The following WWOX variants were observed in gnomAD, a reference collection of about 807,000 sequenced individuals.
WWOX encodes the protein WW domain-containing oxidoreductase.
A neutral mutation model predicts 46.2 loss-of-function variants in WWOX; 69 were observed. The observed-to-expected ratio is 1.49, with a 90% confidence interval of 1.23 to 1.82. The LOEUF is 1.82. WWOX is among the 40% of genes most tolerant of loss of function. The pLI, the probability that WWOX is intolerant of heterozygous loss-of-function variation, is 0.00. For missense variants in WWOX, 919 were observed against 542.6 expected, an observed-to-expected ratio of 1.69 and a Z score of -6.89; for synonymous variants, 359 against 202.6, an observed-to-expected ratio of 1.77 and a Z score of -6.56.
chr16:78,492,742 G>A (rs1597160405), intron 8 of WWOX, among the ~76,000 whole-genome samples: 3 of 152,184 alleles, frequency 2.0e-5, no homozygotes, highest in Non-Finnish European at 4.4e-5. Context: ...GGAGTAATTG[G>A]TTCTGAGAGA....
chr16:78,415,424 TG>T (rs1270113772), intron 6 of WWOX, among the ~76,000 whole-genome samples: 1 of 152,156 alleles, frequency 6.6e-6, no homozygotes, highest in Non-Finnish European at 1.5e-5. Context: ...ACCTGTATCT[TG>T]TGCTGACCTC....
intron 8 of WWOX, among the ~76,000 whole-genome samples, chr16:79,191,066 G>C (rs1043080666): frequency 2.0e-5 from 3 of 152,092 alleles, no homozygotes; most frequent in East Asian, 1.9e-4. Flanking sequence ...GTTTTTAAGA[G>C]ACGGGGTCTC....
chr16:78,206,145 A>T (rs371757652), intron 5 of WWOX, among the ~76,000 whole-genome samples: 2 of 151,982 alleles, frequency 1.3e-5, no homozygotes, highest in East Asian at 3.9e-4. Flanking sequence ...TTTTTATACT[A>T]TGTTCTATTG....
At chr16:78,685,607 A>G (rs1458242479) in intron 8 of WWOX, among the ~76,000 whole-genome samples, 2 of 152,252 alleles carry the variant, frequency 1.3e-5, no homozygotes, top group Non-Finnish European at 2.9e-5. Context: ...TGTTCTGTGT[A>G]TATTTCACAT....
intron 8 of WWOX, among the ~76,000 whole-genome samples, chr16:78,847,685 G>C (rs1396005672): frequency 6.6e-6 from 1 of 151,378 alleles, no homozygotes; most frequent in Non-Finnish European, 1.5e-5. Context: ...TTAACTCTCA[G>C]TTTCTTCTTC....
intron 8 of WWOX, among the ~76,000 whole-genome samples, chr16:78,995,991 T>G (rs2046980840): frequency 6.6e-6 from 1 of 152,028 alleles, no homozygotes; most frequent in South Asian, 2.1e-4. Flanking sequence ...CAGCTTGGAG[T>G]TAAAGGGTGG....
intron 8 of WWOX, among the ~76,000 whole-genome samples, chr16:78,788,434 C>T (rs2050510497): frequency 6.6e-6 from 1 of 152,176 alleles, no homozygotes; most frequent in African/African-American, 2.4e-5. Flanking sequence ...TCTTCAGACC[C>T]TCCCCAGAGA....
intron 8 of WWOX, among the ~76,000 whole-genome samples, chr16:78,605,647 C>T (rs1010040649): frequency 6.6e-6 from 1 of 152,202 alleles, no homozygotes; most frequent in Non-Finnish European, 1.5e-5. Flanking sequence ...AGAAACTCAG[C>T]TATCCAGAAT....
intron 8 of WWOX, among the ~76,000 whole-genome samples, chr16:78,801,322 C>A (rs1260908777): frequency 6.6e-6 from 1 of 152,070 alleles, no homozygotes. Context: ...CCACCCTGGC[C>A]AACATGGTGA....
In WWOX at chr16:79,068,872, G is replaced by A. The variant is rs572865624; in HGVS notation, c.1057-142736G>A. Among the ~76,000 whole-genome samples the A allele has an allele frequency of 1.9e-4, 29 of 150,514 alleles. 1 individual carries two copies. The highest frequency in any genetic ancestry group is 7.3e-4 in the Admixed American group (11 of 15,072). The stretch of plus-strand genomic sequence containing the variant: ...TAATAATAATAATAATAAAGAAAGC[G>A]AGAGAGGAGGTAGGGAATGAATGCC... On this transcript the variant is annotated intron_variant, in intron 8 of 8. Transcript: ENST00000566780.
chr16:78,399,626 A>G (rs1395927450), intron 6 of WWOX, among the ~76,000 whole-genome samples: 4 of 152,174 alleles, frequency 2.6e-5, no homozygotes, highest in Non-Finnish European at 5.9e-5. Context: ...TCAGGGTTTC[A>G]ACATTTGGTT....
intron 8 of WWOX, among the ~76,000 whole-genome samples, chr16:78,461,748 C>T (rs914193136): frequency 1.3e-5 from 2 of 152,218 alleles, no homozygotes; most frequent in South Asian, 2.1e-4. Flanking sequence ...TATTTATGAT[C>T]GTCGAGCCCT....
chr16:78,846,693 T>G (rs541348500), intron 8 of WWOX, among the ~76,000 whole-genome samples: 2 of 152,314 alleles, frequency 1.3e-5, no homozygotes, highest in Non-Finnish European at 1.5e-5. Flanking sequence ...AAAGGATCAT[T>G]TTTTTCCTTT....
At chr16:78,260,775 C>G (rs12596612) in intron 5 of WWOX, among the ~76,000 whole-genome samples, 8,568 of 148,042 alleles carry the variant, frequency 0.058, 481 homozygotes, top group East Asian at 0.17. Flanking sequence ...CCCGTCTGTA[C>G]CAAACATACA....
chr16:78,532,467 T>G (rs1016602669), intron 8 of WWOX, among the ~76,000 whole-genome samples: 1 of 152,208 alleles, frequency 6.6e-6, no homozygotes, highest in Non-Finnish European at 1.5e-5. Context: ...TTTGTAATTT[T>G]TTTTAAGGAT....
intron 8 of WWOX, among the ~76,000 whole-genome samples, chr16:79,210,685 T>G (rs1174651288): frequency 1.3e-5 from 2 of 152,132 alleles, no homozygotes. Context: ...CGACCATGTC[T>G]CCCTCTGAAC....
intron 8 of WWOX, among the ~76,000 whole-genome samples, chr16:79,061,526 A>C (rs887197159): frequency 6.6e-6 from 1 of 152,276 alleles, no homozygotes; most frequent in Middle Eastern, 3.4e-3. Context: ...CAACAATTAG[A>C]AGCTGCTGAT....
At chr16:78,420,698 GT>G (rs2082906556) in intron 6 of WWOX, among the ~76,000 whole-genome samples, 1 of 147,506 alleles carries the variant, frequency 6.8e-6, no homozygotes, top group Non-Finnish European at 1.5e-5. Flanking sequence ...AAATTAGAAT[GT>G]AGTTATGGTT....
At chr16:78,934,571 T>C (rs2045696698) in intron 8 of WWOX, among the ~76,000 whole-genome samples, 1 of 139,280 alleles carries the variant, frequency 7.2e-6, no homozygotes, top group Non-Finnish European at 1.6e-5. Context: ...ACAGAGAACA[T>C]GATTAGAAGC....
Sources: gnomAD v4.1 joint callset for allele counts (sites outside exome capture counted in the v4.1 genomes callset) on GRCh38, gnomAD v4.1.1 for gene constraint, MANE v1.5 for transcripts, NCBI Gene and HGNC (gene_info 2026-07-23, HGNC 2026-07-21) for gene names.